DDC: variants seen among roughly 807,000 people sequenced by gnomAD.
DDC encodes the protein dopa decarboxylase, also known as aromatic-L-amino-acid decarboxylase.
Under a neutral mutation model 60.0 loss-of-function variants are expected in DDC, and 43 were observed. The observed-to-expected ratio is 0.72, with a 90% confidence interval of 0.56 to 0.92. The LOEUF (loss-of-function observed/expected upper bound fraction) is 0.92. Among genes scored for constraint, DDC ranks in the 40% least tolerant of loss-of-function variants. The pLI is 0.00. For synonymous variants in DDC, 232 were observed against 234.6 expected, an observed-to-expected ratio of 0.99 and a Z score of 0.10; for missense variants, 573 against 620.2, an observed-to-expected ratio of 0.92 and a Z score of 0.81.
chr7:50,524,992 G>A (rs1203949796), intron 6 of DDC, among the ~76,000 whole-genome samples: 1 of 152,130 alleles, frequency 6.6e-6, no homozygotes, highest in Non-Finnish European at 1.5e-5. Context: ...AAATCTCTGT[G>A]GTGCAGCAAC....
chr7:50,468,080 CG>C, intron 12 of DDC, among the ~76,000 whole-genome samples: 1 of 152,414 alleles, frequency 6.6e-6, no homozygotes, highest in East Asian at 1.9e-4. Flanking sequence ...TCTAAGCCCG[CG>C]GATACAGCAG....
At chr7:50,512,219 T>C (rs1201869211) in intron 6 of DDC, among the ~76,000 whole-genome samples, 2 of 151,962 alleles carry the variant, frequency 1.3e-5, no homozygotes, top group South Asian at 2.1e-4. Flanking sequence ...CTAACACCAA[T>C]GAAAATAAAG....
intron 6 of DDC, among the ~76,000 whole-genome samples, chr7:50,516,089 A>T (rs1023865379): frequency 3.3e-5 from 5 of 152,190 alleles, no homozygotes; most frequent in African/African-American, 1.2e-4. Flanking sequence ...TAACAGGTAT[A>T]TACAGAATAT....
At chr7:50,481,716 T>G (rs2042773285) in intron 9 of DDC, among the ~76,000 whole-genome samples, 1 of 152,214 alleles carries the variant, frequency 6.6e-6, no homozygotes, top group South Asian at 2.1e-4. Flanking sequence ...GAATTTGTGT[T>G]CCTACTCTTA....
At chr7:50,490,076 G>A (rs4948205) in intron 9 of DDC, among the ~76,000 whole-genome samples, 117,239 of 152,128 alleles carry the variant, frequency 0.77, 45,362 homozygotes, top group Admixed American at 0.83. Flanking sequence ...TTTTACAATG[G>A]CCTCTGTGTG....
intron 1 of DDC, among the ~76,000 whole-genome samples, chr7:50,550,618 T>C (rs1351143527): frequency 6.6e-6 from 1 of 152,226 alleles, no homozygotes; most frequent in African/African-American, 2.4e-5. Context: ...CATCAATCAA[T>C]TTGAAAGAAG....
At chr7:50,528,683 G>A (rs9942686) in intron 5 of DDC, among the ~76,000 whole-genome samples, 33,294 of 151,954 alleles carry the variant, frequency 0.22, 3,793 homozygotes, top group East Asian at 0.39. Context: ...TTGGTGGCCA[G>A]GCTCAGTAAA....
intron 7 of DDC, among the ~76,000 whole-genome samples, 182 bp from the exon 8 acceptor site, chr7:50,499,424 G>A (rs2153539731): frequency 6.6e-6 from 1 of 152,290 alleles, no homozygotes; most frequent in Admixed American, 6.5e-5. Flanking sequence ...GGCAGTGTGT[G>A]TGCTGCTGGC....
intron 2 of DDC, among the ~76,000 whole-genome samples, chr7:50,540,477 T>G (rs2153549290): frequency 7.9e-6 from 1 of 126,524 alleles, no homozygotes; most frequent in East Asian, 2.4e-4. Flanking sequence ...AAGTCTCCAT[T>G]AAAAACAAAC....
chr7:50,466,109 A>G (rs903471755), intron 13 of DDC, among the ~76,000 whole-genome samples: 48 of 152,150 alleles, frequency 3.2e-4, no homozygotes, highest in African/African-American at 1.1e-3. Context: ...TGACAATGAC[A>G]CTGACCCCAG....
chr7:50,559,780 C>T (rs991219091), intron 1 of DDC, among the ~76,000 whole-genome samples: 1 of 152,166 alleles, frequency 6.6e-6, no homozygotes, highest in African/African-American at 2.4e-5. Flanking sequence ...TAGAGCCGTT[C>T]CCTAAACTTA....
intron 1 of DDC, among the ~76,000 whole-genome samples, chr7:50,559,675 G>T (rs554091019): frequency 6.6e-6 from 1 of 152,090 alleles, no homozygotes; most frequent in African/African-American, 2.4e-5. Flanking sequence ...TGATCCACTC[G>T]CCTCAGCCTC....
At chr7:50,529,105 G>T in intron 5 of DDC, 103 bp downstream of exon 5, 1 of 1,493,330 alleles carries the variant, frequency 6.7e-7, no homozygotes, top group Non-Finnish European at 9.3e-7. Context: ...CTGAGGAACT[G>T]TTCTTAGATT....
In DDC at chr7:50,485,027, T is replaced by C. The variant is rs2042852588; in HGVS notation, c.945-5164A>G. ...TCTAGAATCAAGTCTCAACGATTACTAGAATGATTAAAACTGTTTCAGAGA... is the reference window on the plus strand; with the variant it reads ...TCTAGAATCAAGTCTCAACGATTACCAGAATGATTAAAACTGTTTCAGAGA... On this transcript the variant is annotated intron_variant, in intron 9 of 14. Coordinates refer to ENST00000444124, the MANE Select transcript of DDC (RefSeq NM_001082971.2). Among the ~76,000 whole-genome samples, 2 of 152,202 alleles carry C rather than the reference T, an allele frequency of 1.3e-5. 1 individual carries two copies. Among genetic ancestry groups the C allele is most frequent in the South Asian group, 4.1e-4 (2 of 4,834 alleles).
intron 1 of DDC, among the ~76,000 whole-genome samples, chr7:50,548,472 G>C (rs528792467): frequency 6.6e-6 from 1 of 152,194 alleles, no homozygotes; most frequent in African/African-American, 2.4e-5. Context: ...GATATGGAGA[G>C]TATTTTAATG....
At chr7:50,504,177 G>T (rs1036248849) in intron 6 of DDC, 118 bp from the exon 7 acceptor site, 2 of 749,126 alleles carry the variant, frequency 2.7e-6, no homozygotes, top group African/African-American at 3.5e-5. Context: ...AGATCCCAAT[G>T]AATGTCTGCT....
At chr7:50,513,453 G>GT (rs1363645918) in intron 6 of DDC, among the ~76,000 whole-genome samples, 3 of 152,218 alleles carry the variant, frequency 2.0e-5, no homozygotes, top group Admixed American at 6.5e-5. Flanking sequence ...CATTGTAACA[G>GT]TTCGAACGGA....
chr7:50,536,943 C>T (rs1218089414), intron 4 of DDC, among the ~76,000 whole-genome samples: 1 of 151,572 alleles, frequency 6.6e-6, no homozygotes, highest in Admixed American at 6.6e-5. Context: ...GTTAACAATG[C>T]TTTCCTAATG....
At chr7:50,556,361 G>A (rs1338228446) in intron 1 of DDC, among the ~76,000 whole-genome samples, 1 of 152,100 alleles carries the variant, frequency 6.6e-6, no homozygotes, top group Non-Finnish European at 1.5e-5. Flanking sequence ...AAGGGGTGAT[G>A]GGTCTCTCTA....
Sources: allele counts gnomAD v4.1 joint callset (sites outside exome capture counted in the v4.1 genomes callset), GRCh38; gene constraint gnomAD v4.1.1; transcripts MANE v1.5; gene names NCBI Gene and HGNC (gene_info 2026-07-23, HGNC 2026-07-21).